POU6F2: variants seen among roughly 807,000 people sequenced by gnomAD.
POU6F2 encodes POU domain, class 6, transcription factor 2.
POU6F2 carries 31 observed loss-of-function variants against 71.3 expected under a neutral mutation model. The ratio of observed to expected loss-of-function variants is 0.43; its 90% CI spans 0.33 to 0.59. The LOEUF is 0.59. Ranked by LOEUF, POU6F2 falls within the 20% of genes least tolerant of loss-of-function variation. The probability of loss-of-function intolerance (pLI) is 0.04; values close to 1 mark genes in which losing one functional copy is unlikely to be tolerated. For synonymous variants in POU6F2, 347 were observed against 355.7 expected (o/e 0.98, Z 0.27); for missense variants, 783 against 856.8 (o/e 0.91, Z 1.07).
chr7:39,017,363 A>G (rs141351381), intron 1 of POU6F2, among the ~76,000 whole-genome samples: 1 of 152,280 alleles, frequency 6.6e-6, no homozygotes, highest in East Asian at 1.9e-4. Flanking sequence ...TTTACTTTGT[A>G]CTGCTAAATC....
At chr7:39,297,331 A>G (rs772064748) in intron 4 of POU6F2, among the ~76,000 whole-genome samples, 1 of 152,026 alleles carries the variant, frequency 6.6e-6, no homozygotes. Context: ...CATCAGCATC[A>G]CGGGTTTCCT....
intron 6 of POU6F2, among the ~76,000 whole-genome samples, chr7:39,407,792 T>A (rs1257513338): frequency 6.6e-6 from 1 of 152,180 alleles, no homozygotes; most frequent in African/African-American, 2.4e-5. Context: ...CTGTCTACAT[T>A]CCAGGGAAAA....
chr7:39,213,060 C>G (rs1255941189), intron 4 of POU6F2, among the ~76,000 whole-genome samples: 1 of 152,212 alleles, frequency 6.6e-6, no homozygotes, highest in African/African-American at 2.4e-5. Flanking sequence ...CTACTAATCA[C>G]TGTAGGCAAC....
intron 2 of POU6F2, among the ~76,000 whole-genome samples, chr7:39,138,423 A>C (rs1792428790): frequency 6.6e-6 from 1 of 152,182 alleles, no homozygotes; most frequent in African/African-American, 2.4e-5. Context: ...CTTCATCTGT[A>C]TTTATAGCAA....
chr7:39,273,021 G>A (rs1376982828), intron 4 of POU6F2, among the ~76,000 whole-genome samples: 1 of 152,126 alleles, frequency 6.6e-6, no homozygotes, highest in Non-Finnish European at 1.5e-5. Context: ...GAAAGTATGA[G>A]AATATGATAT....
At chr7:38,978,929 G>A (rs1001113646) in intron 1 of POU6F2, among the ~76,000 whole-genome samples, 1 of 152,112 alleles carries the variant, frequency 6.6e-6, no homozygotes, top group Non-Finnish European at 1.5e-5. Flanking sequence ...AAATGTTTGC[G>A]TTGTAAGCTA....
At chr7:39,029,317 A>G (rs1789887061) in intron 1 of POU6F2, among the ~76,000 whole-genome samples, 1 of 152,004 alleles carries the variant, frequency 6.6e-6, no homozygotes. Flanking sequence ...GAAAAATAAC[A>G]TTTTTTATTT....
chr7:39,381,028 T>C (rs1407056797), intron 5 of POU6F2, among the ~76,000 whole-genome samples: 1 of 152,172 alleles, frequency 6.6e-6, no homozygotes, highest in African/African-American at 2.4e-5. Flanking sequence ...AAAATTGTGA[T>C]CAAACATCCA....
At chr7:39,258,814 G>T (rs1467852024) in intron 4 of POU6F2, among the ~76,000 whole-genome samples, 1 of 152,132 alleles carries the variant, frequency 6.6e-6, no homozygotes, top group Admixed American at 6.5e-5. Context: ...AAACCACCTT[G>T]CTCATTTCAC....
intron 2 of POU6F2, among the ~76,000 whole-genome samples, chr7:39,158,441 G>T (rs908595743): frequency 2.6e-5 from 4 of 152,158 alleles, no homozygotes; most frequent in East Asian, 3.9e-4. Context: ...ACATATGTGG[G>T]TGTATTTATT....
At chr7:39,438,474 C>T (rs1278350047) in intron 7 of POU6F2, among the ~76,000 whole-genome samples, 1 of 152,178 alleles carries the variant, frequency 6.6e-6, no homozygotes, top group Admixed American at 6.5e-5. Context: ...AATGGGATGG[C>T]TGGGCTGAAA....
intron 4 of POU6F2, among the ~76,000 whole-genome samples, chr7:39,219,064 A>G (rs1261429882): frequency 6.6e-6 from 1 of 152,148 alleles, no homozygotes; most frequent in Admixed American, 6.6e-5. Flanking sequence ...CAACTTGTCT[A>G]ATCGTTGTGC....
chr7:39,238,311 T>G (rs559184601), intron 4 of POU6F2, among the ~76,000 whole-genome samples: 1 of 152,250 alleles, frequency 6.6e-6, no homozygotes, highest in South Asian at 2.1e-4. Flanking sequence ...TGGTAGTTGC[T>G]TCGCCAGTGT....
chr7:39,403,962 A>T (rs925650089), intron 5 of POU6F2, among the ~76,000 whole-genome samples: 2 of 152,230 alleles, frequency 1.3e-5, no homozygotes, highest in African/African-American at 4.8e-5. Context: ...ACAGCAGGGC[A>T]TCTCCCCAGA....
chr7:39,064,317 G>A (rs1026956992), intron 1 of POU6F2, among the ~76,000 whole-genome samples: 2 of 151,880 alleles, frequency 1.3e-5, no homozygotes, highest in African/African-American at 4.8e-5. Flanking sequence ...TTGAGAAAGG[G>A]TGCTTCAATG....
intron 2 of POU6F2, among the ~76,000 whole-genome samples, chr7:39,088,084 A>G (rs1473612350): frequency 2.6e-5 from 4 of 152,226 alleles, no homozygotes; most frequent in African/African-American, 4.8e-5. Context: ...AGCAAAACCT[A>G]CATCTTACAT....
chr7:39,384,092 C>G (rs980224903), intron 5 of POU6F2, among the ~76,000 whole-genome samples: 1 of 152,168 alleles, frequency 6.6e-6, no homozygotes, highest in African/African-American at 2.4e-5. Flanking sequence ...GAAGCTGATT[C>G]AATAATCCAA....
chr7:39,308,731 G>A (rs1785098083), intron 4 of POU6F2, among the ~76,000 whole-genome samples: 1 of 152,170 alleles, frequency 6.6e-6, no homozygotes, highest in African/African-American at 2.4e-5. Context: ...GCCAAAAAAG[G>A]TGTATTCTGC....
chr7:39,414,150 T>C (rs2115928087), intron 6 of POU6F2, among the ~76,000 whole-genome samples: 1 of 152,276 alleles, frequency 6.6e-6, no homozygotes, highest in East Asian at 1.9e-4. Context: ...CTTCAAAAAA[T>C]GCTGCAGGAA....
Sources: allele counts gnomAD v4.1 joint callset (sites outside exome capture counted in the v4.1 genomes callset), GRCh38; gene constraint gnomAD v4.1.1; transcripts MANE v1.5; gene names NCBI Gene and HGNC (gene_info 2026-07-23, HGNC 2026-07-21).